IRAG1: variants seen among roughly 807,000 people sequenced by gnomAD.
IRAG1 encodes IP3R-associated cGMP kinase substrate.
A neutral mutation model predicts 106.2 loss-of-function variants in IRAG1; 62 were observed. The ratio of observed to expected loss-of-function variants is 0.58; its 90% CI spans 0.48 to 0.72. IRAG1 has a LOEUF of 0.72. Ranked by LOEUF, IRAG1 falls within the 30% of genes least tolerant of loss-of-function variation. The probability of loss-of-function intolerance (pLI) is 0.00; values close to 1 mark genes in which losing one functional copy is unlikely to be tolerated. For missense variants in IRAG1, 1,064 were observed against 1,140.7 expected (o/e 0.93, Z 0.97); for synonymous variants, 462 against 443.9 (o/e 1.04, Z -0.51).
intron 17 of IRAG1, among the ~76,000 whole-genome samples, chr11:10,592,581 A>G (rs11042889): frequency 0.077 from 11,743 of 152,280 alleles, 495 homozygotes; most frequent in Admixed American, 0.13. Context: ...AGTGCTAGTC[A>G]TAGGCAGGGG....
chr11:10,622,857 GGCATTGTTGT>G (rs1276491838), intron 10 of IRAG1, among the ~76,000 whole-genome samples: 1 of 75,056 alleles, frequency 1.3e-5, no homozygotes, highest in African/African-American at 3.9e-5. Flanking sequence ...AGTAGTGCCA[GGCATTGTTGT>G]AAGCAGTGGA....
intron 1 of IRAG1, among the ~76,000 whole-genome samples, chr11:10,664,591 A>G (rs1040681672): frequency 1.3e-5 from 2 of 152,206 alleles, no homozygotes; most frequent in South Asian, 4.1e-4. Flanking sequence ...CATGAGTTCA[A>G]GTTCACGTTG....
chr11:10,573,592 C>T lies in IRAG1; in HGVS notation c.*2740G>A, dbSNP rs1850688660. ...GCTCCCTTTTGGAGATGTCCTTTTC[C>T]TCGACCTCCCTTGCTTACAAATGGA... On this transcript the variant is annotated 3_prime_UTR_variant, in exon 21 of 21. Transcript: ENST00000423302. 6.6e-6 allele frequency: 1 copy of T among 152,266 alleles called. No individual in the cohort carries two copies. The highest frequency in any genetic ancestry group is 2.4e-5 in the African/African-American group (1 of 41,458). The allele number at this position is 152,266 out of a possible 1,614,324, so 9.4% of individuals were successfully genotyped here.
rs1319684843 is a variant in IRAG1, at chr11:10,603,379, A to G, written c.1744-128T>C. The G allele has an allele frequency of 3.8e-6, 4 of 1,053,104 alleles. No homozygotes were observed. The African/African-American group carries it at 4.8e-5, about 13-fold the overall frequency. The allele number at this position is 1,053,104 out of a possible 1,614,324, so 65.2% of individuals were successfully genotyped here. On this transcript the variant is annotated intron_variant, in intron 13 of 20. Transcript: ENST00000423302. ...TTTTTCCACAAACCTGGTGGGGGCG[A>G]TGGTTTGGGGATGAAACTCTTCCAC...
At chr11:10,589,706 TG>T (rs985192524) in intron 18 of IRAG1, among the ~76,000 whole-genome samples, 1 of 152,252 alleles carries the variant, frequency 6.6e-6, no homozygotes, top group African/African-American at 2.4e-5. Flanking sequence ...TATTCCCAAC[TG>T]GCGAGTCAGC....
At chr11:10,664,186 G>A (rs935596270) in intron 1 of IRAG1, among the ~76,000 whole-genome samples, 8 of 152,098 alleles carry the variant, frequency 5.3e-5, no homozygotes, top group African/African-American at 1.7e-4. Context: ...TCCTTCTCAC[G>A]GCATCCCCTG....
Position 10,626,391 on chromosome 11 carries a change from T to G in IRAG1, c.943A>C (p.Lys315Gln), listed in dbSNP as rs1212936575. The change falls in exon 9 of 21, where the codon AAA (lysine) becomes CAA (glutamine). Residue 315 changes from lysine to glutamine, a missense_variant. By Grantham distance (53) the Lys-to-Gln change is moderately conservative (BLOSUM62 1). Coordinates refer to ENST00000423302, the MANE Select transcript of IRAG1 (RefSeq NM_130385.4). ...GLAPVTNSSGKMALNSPQPGP... is the reference protein window; with the variant it reads ...GLAPVTNSSGQMALNSPQPGP... ...GGCTGAGGGCTGTTCAGGGCCATTT[T>G]CCCACTGCTGTTTGTAACAGGAGCT... 2 of 1,613,762 alleles carry G rather than the reference T, an allele frequency of 1.2e-6. No homozygotes were observed. Among genetic ancestry groups the G allele is most frequent in the African/African-American group, 1.3e-5 (1 of 74,914 alleles).
chr11:10,636,818 C>A (rs1159137302), intron 2 of IRAG1, among the ~76,000 whole-genome samples: 1 of 152,172 alleles, frequency 6.6e-6, no homozygotes, highest in African/African-American at 2.4e-5. Context: ...TAGGAGCTTG[C>A]ACGACAAAGA....
At chr11:10,618,515 C>G (rs1855598751) in intron 10 of IRAG1, among the ~76,000 whole-genome samples, 1 of 152,172 alleles carries the variant, frequency 6.6e-6, no homozygotes, top group East Asian at 1.9e-4. Flanking sequence ...GCTCATTATT[C>G]AGGGGAACAG....
chr11:10,598,116 C>T (rs1222598597), intron 15 of IRAG1, among the ~76,000 whole-genome samples: 1 of 152,144 alleles, frequency 6.6e-6, no homozygotes, highest in East Asian at 1.9e-4. Flanking sequence ...CCTTGGACGC[C>T]CTTAACTTTC....
At chr11:10,611,868 G>A (rs993992491) in intron 10 of IRAG1, among the ~76,000 whole-genome samples, 3 of 152,164 alleles carry the variant, frequency 2.0e-5, no homozygotes, top group African/African-American at 7.2e-5. Context: ...TAGAATAGAA[G>A]GTTCTCCATT....
At position 10,577,031 on chromosome 11, in the gene IRAG1, G is replaced by C. The variant is rs149551981; in HGVS notation, c.2496-456C>G. 8.6e-3 allele frequency among the ~76,000 whole-genome samples: 1,311 copies of C among 152,304 alleles called. 11 individuals are homozygous for C. Among genetic ancestry groups the C allele is most frequent in the South Asian group, 0.016 (77 of 4,832 alleles). ...AAGCTCTAACCTGTGCCTTGCCTCA[G>C]ATGCGTAATTCATTGTTCTCAGTTC... On this transcript the variant is annotated intron_variant, in intron 20 of 20. Transcript: ENST00000423302.
chr11:10,596,032 C>CT (rs1350501721), intron 15 of IRAG1, among the ~76,000 whole-genome samples: 1 of 152,164 alleles, frequency 6.6e-6, no homozygotes, highest in Non-Finnish European at 1.5e-5. Flanking sequence ...TGATCTCATT[C>CT]TTTTTTATGG....
chr11:10,641,570 A>G (rs1311732493), intron 2 of IRAG1, among the ~76,000 whole-genome samples: 1 of 152,190 alleles, frequency 6.6e-6, no homozygotes, highest in Non-Finnish European at 1.5e-5. Context: ...ACATGGCTAG[A>G]GGGAATTGGC....
Position 10,591,530 on chromosome 11 carries a change from G to C in IRAG1, c.2240+18C>G. ...CCTGAGAGATCCCTGAAGCCAAGAG[G>C]AAAATCGACAAACTTACTTTTCCAA... On this transcript the variant is annotated intron_variant, in intron 18 of 20. Transcript: ENST00000423302. 6.3e-7 allele frequency: 1 copy of C among 1,580,360 alleles called. No homozygotes were observed. The highest frequency in any genetic ancestry group is 1.2e-5 in the South Asian group (1 of 85,950).
intron 12 of IRAG1, among the ~76,000 whole-genome samples, chr11:10,605,265 G>C (rs550582326): frequency 4.6e-5 from 7 of 152,304 alleles, no homozygotes; most frequent in Admixed American, 2.0e-4. Context: ...GGAAGCAATG[G>C]TCTTCAATTT....
intron 1 of IRAG1, among the ~76,000 whole-genome samples, chr11:10,675,662 A>T (rs1263050307): frequency 6.6e-6 from 1 of 152,154 alleles, no homozygotes; most frequent in African/African-American, 2.4e-5. Flanking sequence ...CATCATGAAG[A>T]CTTGTCACTC....
intron 18 of IRAG1, among the ~76,000 whole-genome samples, chr11:10,584,548 A>T (rs1053531058): frequency 1.4e-4 from 14 of 98,576 alleles, no homozygotes; most frequent in Admixed American, 2.4e-4. Context: ...TCTTTCATGA[A>T]ATATATATAT....
chr11:10,692,919 G>A (rs942557686), intron 1 of IRAG1, among the ~76,000 whole-genome samples: 7 of 152,200 alleles, frequency 4.6e-5, no homozygotes, highest in South Asian at 2.1e-4. Context: ...GAGCAGGGCC[G>A]GGCACGGGCC....
Sources: gnomAD v4.1 joint callset for allele counts (sites outside exome capture counted in the v4.1 genomes callset) on GRCh38, gnomAD v4.1.1 for gene constraint, MANE v1.5 for transcripts, NCBI Gene and HGNC (gene_info 2026-07-23, HGNC 2026-07-21) for gene names.